The following LINGO2 variants were observed in gnomAD, a reference collection of about 807,000 sequenced individuals.
LINGO2 encodes leucine rich repeat and Ig domain containing 2, also known as leucine-rich repeat and immunoglobulin-like domain-containing nogo receptor-interacting protein 2.
In LINGO2, 14 loss-of-function variants were observed where a neutral mutation model predicts 30.6. That is an observed-to-expected ratio of 0.46 (90% CI 0.30 to 0.72). The LOEUF is 0.72. Ranked by LOEUF, LINGO2 falls within the 30% of genes least tolerant of loss-of-function variation. The probability of loss-of-function intolerance (pLI) is 0.07; values close to 1 mark genes in which losing one functional copy is unlikely to be tolerated. For synonymous variants in LINGO2, 317 were observed against 288.5 expected, an observed-to-expected ratio of 1.10 and a Z score of -1.00; for missense variants, 729 against 751.7, an observed-to-expected ratio of 0.97 and a Z score of 0.35.
chr9:29,021,529 C>T, the LINGO2 span, among the ~76,000 whole-genome samples: 15 of 152,078 alleles, frequency 9.9e-5, no homozygotes, highest in African/African-American at 3.6e-4. Flanking sequence ...TGGTGGTGGG[C>T]ACCTATAATT....
At chr9:28,912,320 T>C in the LINGO2 span, among the ~76,000 whole-genome samples, 1 of 152,130 alleles carries the variant, frequency 6.6e-6, no homozygotes, top group Non-Finnish European at 1.5e-5. Flanking sequence ...TTTTCTTTTT[T>C]GCCTTTGTTG....
chr9:28,122,391 G>T (rs974470416), intron 4 of LINGO2, among the ~76,000 whole-genome samples: 2 of 152,114 alleles, frequency 1.3e-5, no homozygotes, highest in Non-Finnish European at 2.9e-5. Flanking sequence ...AGTGCTTAGG[G>T]CTTCACTACA....
chr9:28,548,985 A>C (rs57431779), intron 1 of LINGO2, among the ~76,000 whole-genome samples: 2,054 of 152,158 alleles, frequency 0.013, 45 homozygotes, highest in East Asian at 0.096. Flanking sequence ...CACTGTATAG[A>C]TATAATACAT....
chr9:28,548,693 A>G (rs559418874), intron 1 of LINGO2, among the ~76,000 whole-genome samples: 74 of 106,582 alleles, frequency 6.9e-4, no homozygotes, highest in African/African-American at 2.7e-3. Flanking sequence ...ACAGAGCGAG[A>G]CTCCATCTCA....
chr9:28,144,448 A>C (rs1168079369), intron 4 of LINGO2, among the ~76,000 whole-genome samples: 1 of 152,208 alleles, frequency 6.6e-6, no homozygotes, highest in Non-Finnish European at 1.5e-5. Flanking sequence ...AGTACTAGTG[A>C]GGTGCTTATA....
the LINGO2 span, among the ~76,000 whole-genome samples, chr9:28,682,476 T>G: frequency 6.6e-6 from 1 of 152,176 alleles, no homozygotes; most frequent in African/African-American, 2.4e-5. Flanking sequence ...TTCTACATGG[T>G]TTTTATTAAC....
At chr9:28,310,787 T>C (rs573103291) in intron 3 of LINGO2, among the ~76,000 whole-genome samples, 2 of 152,314 alleles carry the variant, frequency 1.3e-5, no homozygotes, top group South Asian at 4.1e-4. Flanking sequence ...AAAGTTTAAT[T>C]TGAAAATTTC....
the LINGO2 span, among the ~76,000 whole-genome samples, chr9:28,815,963 T>C: frequency 6.6e-6 from 1 of 152,168 alleles, no homozygotes; most frequent in East Asian, 1.9e-4. Context: ...CTCATGGTTT[T>C]GGAGGTTAGA....
At chr9:29,055,257 A>T in the LINGO2 span, among the ~76,000 whole-genome samples, 1 of 152,092 alleles carries the variant, frequency 6.6e-6, no homozygotes, top group East Asian at 1.9e-4. Flanking sequence ...AGTGGAAAAT[A>T]TCTAGCACAA....
At chr9:28,592,420 A>G (rs1255799577) in intron 1 of LINGO2, among the ~76,000 whole-genome samples, 2 of 152,058 alleles carry the variant, frequency 1.3e-5, no homozygotes, top group Non-Finnish European at 2.9e-5. Context: ...GACTCAAGTA[A>G]TGTCCTAAGG....
At chr9:28,991,804 C>T in the LINGO2 span, among the ~76,000 whole-genome samples, 2 of 148,406 alleles carry the variant, frequency 1.3e-5, no homozygotes, top group Non-Finnish European at 3.0e-5. Context: ...ACTTTACAGA[C>T]AAGCAAATGC....
intron 4 of LINGO2, among the ~76,000 whole-genome samples, chr9:28,247,758 TA>T (rs1377651279): frequency 1.1e-4 from 16 of 150,718 alleles, no homozygotes; most frequent in African/African-American, 3.2e-4. Flanking sequence ...ACTTAAAGTT[TA>T]AAAAAAAAAT....
At chr9:28,476,369 G>C (rs547680440) in intron 1 of LINGO2, among the ~76,000 whole-genome samples, 1 of 152,078 alleles carries the variant, frequency 6.6e-6, no homozygotes, top group Non-Finnish European at 1.5e-5. Context: ...TCCGCCTCCC[G>C]GGTTCACGCC....
intron 2 of LINGO2, among the ~76,000 whole-genome samples, chr9:28,460,160 T>C (rs16913147): frequency 0.018 from 2,758 of 152,282 alleles, 85 homozygotes; most frequent in East Asian, 0.1. Flanking sequence ...GTATATCTGA[T>C]TTAAACAGAC....
At chr9:28,093,772 G>A (rs1826166390) in intron 4 of LINGO2, among the ~76,000 whole-genome samples, 2 of 151,936 alleles carry the variant, frequency 1.3e-5, no homozygotes, top group South Asian at 4.1e-4. Flanking sequence ...GGCAGACTGA[G>A]CCACGAGAAA....
chr9:28,542,839 C>G (rs892557383), intron 1 of LINGO2, among the ~76,000 whole-genome samples: 1 of 151,984 alleles, frequency 6.6e-6, no homozygotes, highest in Admixed American at 6.6e-5. Context: ...AGTGCATGAA[C>G]CACACTTGGA....
the LINGO2 span, among the ~76,000 whole-genome samples, chr9:29,206,941 A>C: frequency 6.6e-6 from 1 of 152,180 alleles, no homozygotes; most frequent in East Asian, 1.9e-4. Flanking sequence ...AACATTTGCA[A>C]TCCATAATCA....
At chr9:27,973,361 T>C (rs546916503) in intron 5 of LINGO2, among the ~76,000 whole-genome samples, 4 of 152,188 alleles carry the variant, frequency 2.6e-5, no homozygotes, top group Non-Finnish European at 4.4e-5. Context: ...GAGGTACCTA[T>C]GAATCTTCAC....
At chr9:28,055,387 CTG>C (rs1824879610) in intron 4 of LINGO2, among the ~76,000 whole-genome samples, 1 of 152,120 alleles carries the variant, frequency 6.6e-6, no homozygotes, top group Admixed American at 6.6e-5. Context: ...GCCAAGGAGT[CTG>C]AATGGCCAGG....
Sources: gnomAD v4.1 joint callset for allele counts (sites outside exome capture counted in the v4.1 genomes callset) on GRCh38, gnomAD v4.1.1 for gene constraint, MANE v1.5 for transcripts, NCBI Gene and HGNC (gene_info 2026-07-23, HGNC 2026-07-21) for gene names.